Variants in CYP19A1 observed in about 807,000 individuals in gnomAD.
CYP19A1 encodes the protein aromatase.
In CYP19A1, 32 loss-of-function variants were observed where a neutral mutation model predicts 44.4. That is an observed-to-expected ratio of 0.72 (90% CI 0.54 to 0.97). The LOEUF is 0.97. CYP19A1 is among the 50% of genes least tolerant of loss of function. The probability of loss-of-function intolerance (pLI) is 0.00; values close to 1 mark genes in which losing one functional copy is unlikely to be tolerated. For missense variants in CYP19A1, 598 were observed against 637.8 expected (o/e 0.94, Z 0.67); for synonymous variants, 212 against 215.6 (o/e 0.98, Z 0.14).
chr15:51,335,966 A>T (rs1171202007), intron 1 of CYP19A1, among the ~76,000 whole-genome samples: 1 of 152,196 alleles, frequency 6.6e-6, no homozygotes, highest in Non-Finnish European at 1.5e-5. Context: ...ATCTCCTGCC[A>T]TAGGGCCTTG....
chr15:51,293,809 T>C, intron 1 of CYP19A1: 1 of 176,350 alleles, frequency 5.7e-6, no homozygotes, highest in Non-Finnish European at 1.2e-5. Context: ...TCCGCCAGCC[T>C]TGGCCTCACA....
At chr15:51,226,093 A>G (rs1353107558) in intron 4 of CYP19A1, among the ~76,000 whole-genome samples, 5 of 26,308 alleles carry the variant, frequency 1.9e-4, no homozygotes, top group Non-Finnish European at 3.0e-4. Context: ...TGTCTCAGAA[A>G]AAAAAAAAAA....
chr15:51,300,493 G>C (rs926216811), intron 1 of CYP19A1, among the ~76,000 whole-genome samples: 1 of 152,164 alleles, frequency 6.6e-6, no homozygotes, highest in Non-Finnish European at 1.5e-5. Context: ...ACCTATAGGA[G>C]AATTGAGTGA....
At chr15:51,228,839 G>A (rs2032799263) in intron 3 of CYP19A1, among the ~76,000 whole-genome samples, 1 of 152,028 alleles carries the variant, frequency 6.6e-6, no homozygotes, top group South Asian at 2.1e-4. Context: ...CTCTCCTCTG[G>A]TCTCCTGAAA....
chr15:51,233,295 A>C (rs1041820728), intron 3 of CYP19A1, among the ~76,000 whole-genome samples: 1 of 152,214 alleles, frequency 6.6e-6, no homozygotes, highest in Non-Finnish European at 1.5e-5. Context: ...TGAAAGTCCC[A>C]CATCCTGGGA....
chr15:51,292,165 T>C (rs552487084), intron 1 of CYP19A1, among the ~76,000 whole-genome samples: 2 of 152,334 alleles, frequency 1.3e-5, no homozygotes, highest in Admixed American at 6.5e-5. Context: ...TGGACCACCC[T>C]AGCAATCAAA....
chr15:51,301,634 G>A (rs949682607), intron 1 of CYP19A1, among the ~76,000 whole-genome samples: 1 of 150,190 alleles, frequency 6.7e-6, no homozygotes, highest in African/African-American at 2.5e-5. Flanking sequence ...CTCTGGCCTG[G>A]GTCTTCTGCT....
chr15:51,271,273 T>G (rs368026869), intron 1 of CYP19A1, among the ~76,000 whole-genome samples: 86 of 152,284 alleles, frequency 5.6e-4, no homozygotes, highest in African/African-American at 2.0e-3. Context: ...CAAGCACCTG[T>G]GGGAGCAATA....
In CYP19A1 at chr15:51,236,928, T is replaced by C; in HGVS notation, c.227A>G (p.Tyr76Cys). The C allele has an allele frequency of 1.2e-6, 2 of 1,614,192 alleles. No homozygotes were observed. The highest frequency in any genetic ancestry group is 2.2e-5 in the South Asian group (2 of 91,080). Residue 76 changes from tyrosine to cysteine, a missense_variant, in exon 3 of 10, where the codon TAC becomes TGC. Coordinates refer to ENST00000396402, the MANE Select transcript of CYP19A1 (RefSeq NM_000103.4). ...GAATTCTCCATATACCCGGTTGTAGTAGTTGCAGGCACTGCCGATCCCCAT... is the reference window on the plus strand; with the variant it reads ...GAATTCTCCATATACCCGGTTGTAGCAGTTGCAGGCACTGCCGATCCCCAT... Reference protein sequence around the residue: ...LWMGIGSACNYYNRVYGEFMR... With the variant: ...LWMGIGSACNCYNRVYGEFMR...
intron 6 of CYP19A1, among the ~76,000 whole-genome samples, chr15:51,217,597 T>G (rs990071297): frequency 6.6e-6 from 1 of 152,142 alleles, no homozygotes; most frequent in African/African-American, 2.4e-5. Flanking sequence ...TAGAATAAAG[T>G]CAGGTCTTCA....
At chr15:51,232,022 C>T (rs1188087945) in intron 3 of CYP19A1, among the ~76,000 whole-genome samples, 1 of 152,158 alleles carries the variant, frequency 6.6e-6, no homozygotes, top group Non-Finnish European at 1.5e-5. Flanking sequence ...GATTTTCCTC[C>T]ATAACTGACC....
Position 51,210,735 on chromosome 15 carries a change from T to C in CYP19A1, c.*73A>G. 1 of 983,148 alleles carries C rather than the reference T, an allele frequency of 1.0e-6. No homozygotes were observed. Among genetic ancestry groups the C allele is most frequent in the Non-Finnish European group, 1.7e-6 (1 of 603,614 alleles). The allele number at this position is 983,148 out of a possible 1,614,324, so 60.9% of individuals were successfully genotyped here. ...AGTGTTCACTGTGAGGATGACACTA[T>C]TGGCAAGGATGGATGATTTGTATGT... On this transcript the variant is annotated 3_prime_UTR_variant, in exon 10 of 10. Coordinates refer to ENST00000396402, the MANE Select transcript of CYP19A1 (RefSeq NM_000103.4).
intron 4 of CYP19A1, among the ~76,000 whole-genome samples, chr15:51,224,931 T>C (rs1342381484): frequency 6.6e-6 from 1 of 152,238 alleles, no homozygotes; most frequent in Admixed American, 6.5e-5. Context: ...TCCTATTCTT[T>C]ACTCCTAGAA....
chr15:51,248,204 T>A (rs948613768), intron 1 of CYP19A1, among the ~76,000 whole-genome samples: 1 of 152,212 alleles, frequency 6.6e-6, no homozygotes, highest in Non-Finnish European at 1.5e-5. Flanking sequence ...GGGAATGGAC[T>A]GCAGCACAGC....
At position 51,314,840 on chromosome 15, in the gene CYP19A1, A is replaced by G. The variant is rs190932250; in HGVS notation, c.-39+23655T>C. Among the ~76,000 whole-genome samples the G allele has an allele frequency of 9.2e-5, 14 of 152,258 alleles. No individual in the cohort carries two copies. In the East Asian group the frequency reaches 2.3e-3, roughly 25 times the overall value. On this transcript the variant is annotated intron_variant, in intron 1 of 9. Coordinates refer to ENST00000396402, the MANE Select transcript of CYP19A1 (RefSeq NM_000103.4). Reference sequence around the variant, plus strand: ...TGTCAGCCTCTGTCTTTGTTTCTTCATAAGTGTTGGTTTCCTCCATTTTCC... The same window carrying G: ...TGTCAGCCTCTGTCTTTGTTTCTTCGTAAGTGTTGGTTTCCTCCATTTTCC...
chr15:51,212,632 A>G (rs1345193436), intron 8 of CYP19A1, 71 bp from the exon 9 acceptor site: 3 of 1,038,076 alleles, frequency 2.9e-6, no homozygotes, highest in African/African-American at 1.6e-5. Context: ...TAAAGCTTCT[A>G]TTTTTTTCCA....
chr15:51,302,188 C>T (rs747116994), intron 1 of CYP19A1, among the ~76,000 whole-genome samples: 57 of 152,348 alleles, frequency 3.7e-4, no homozygotes, highest in Non-Finnish European at 6.9e-4. Context: ...TCCATTCTGG[C>T]TCTGCTGACA....
chr15:51,265,022 C>T (rs559859126), intron 1 of CYP19A1, among the ~76,000 whole-genome samples: 1 of 152,338 alleles, frequency 6.6e-6, no homozygotes, highest in African/African-American at 2.4e-5. Flanking sequence ...GACATTTGAG[C>T]CAATTACACT....
At chr15:51,226,090 G>GAAA (rs55642133) in intron 4 of CYP19A1, among the ~76,000 whole-genome samples, 1 of 44,408 alleles carries the variant, frequency 2.3e-5, no homozygotes, top group Non-Finnish European at 3.7e-5. Flanking sequence ...CTCTGTCTCA[G>GAAA]AAAAAAAAAA....
Sources: gnomAD v4.1 joint callset for allele counts (sites outside exome capture counted in the v4.1 genomes callset) on GRCh38, gnomAD v4.1.1 for gene constraint, MANE v1.5 for transcripts, NCBI Gene and HGNC (gene_info 2026-07-23, HGNC 2026-07-21) for gene names.